LPP: variants seen among roughly 807,000 people sequenced by gnomAD.
The protein encoded by LPP is lipoma-preferred partner.
Under a neutral mutation model 60.4 loss-of-function variants are expected in LPP, and 38 were observed. The ratio of observed to expected loss-of-function variants is 0.63; its 90% CI spans 0.49 to 0.83. LPP has a LOEUF of 0.83. Among genes scored for constraint, LPP ranks in the 40% least tolerant of loss-of-function variants. The probability of loss-of-function intolerance (pLI) is 0.00; values close to 1 mark genes in which losing one functional copy is unlikely to be tolerated. For synonymous variants in LPP, 328 were observed against 290.8 expected (o/e 1.13, Z -1.30); for missense variants, 902 against 783.6 (o/e 1.15, Z -1.80).
chr3:188,240,599 T>G (rs896722611), intron 2 of LPP, among the ~76,000 whole-genome samples: 1 of 152,138 alleles, frequency 6.6e-6, no homozygotes, highest in African/African-American at 2.4e-5. Context: ...GTAGTTAGGA[T>G]ATTAGACCAG....
rs1169765368 is a variant in LPP, at chr3:188,388,601, A to G, written c.-9-17511A>G. Among the ~76,000 whole-genome samples, 3 of 152,166 alleles carry G rather than the reference A, an allele frequency of 2.0e-5. No individual in the cohort carries two copies. The East Asian group carries it at 5.8e-4, about 29-fold the overall frequency. ...AAGAACCACCTTGCTACATTCCGAA[A>G]AGGAAGGATTATTCTCATGGCATTG... On this transcript the variant is annotated intron_variant, in intron 3 of 11. Transcript: ENST00000617246.
In LPP at chr3:188,629,719, GA is replaced by G. The variant is rs938272372; in HGVS notation, c.1113+19885del. On this transcript the variant is annotated intron_variant, in intron 7 of 11. Transcript: ENST00000617246. ...ACCAATATTATCTTTCACAGAATTA[GA>G]AAAAAAAAATATTGTAAAATTCATA... Among the ~76,000 whole-genome samples, 333 of 149,014 alleles carry G rather than the reference GA, an allele frequency of 2.2e-3. 1 individual carries two copies. Among genetic ancestry groups the G allele is most frequent in the African/African-American group, 6.3e-3 (258 of 40,716 alleles).
rs1553835845 is a variant in LPP, at chr3:188,250,808, C to CTCTT, written c.-67+25295_-67+25298dup. Reference sequence around the variant, plus strand: ...TTTCTGTCTTTCTCTTTCTTTCTTTCTCTTTCTTTCTTTCTTTTTCTTTCT... The same window carrying CTCTT: ...TTTCTGTCTTTCTCTTTCTTTCTTTCTCTTTCTTTCTTTCTTTCTTTTTCTTTCT... On this transcript the variant is annotated intron_variant, in intron 2 of 11. Coordinates refer to ENST00000617246, the MANE Select transcript of LPP (RefSeq NM_001375462.1). Among the ~76,000 whole-genome samples the CTCTT allele has an allele frequency of 1.5e-3, 204 of 132,072 alleles. 3 individuals are homozygous for CTCTT. Among genetic ancestry groups the CTCTT allele is most frequent in the African/African-American group, 5.8e-3 (185 of 31,634 alleles). 86.6% of individuals were successfully genotyped at this position (132,072 alleles called of 152,430 possible). A position where few individuals can be genotyped will look rare whatever the true frequency, so the allele number is the denominator to read the frequency against.
At chr3:188,420,719 A>AG (rs1331322554) in intron 4 of LPP, among the ~76,000 whole-genome samples, 12 of 152,152 alleles carry the variant, frequency 7.9e-5, no homozygotes, top group African/African-American at 2.9e-4. Context: ...CAGTCTCTCA[A>AG]GCCAGTTATA....
At chr3:188,624,810 C>CCTTCCTTCCT (rs752143655) in intron 7 of LPP, among the ~76,000 whole-genome samples, 1 of 147,240 alleles carries the variant, frequency 6.8e-6, no homozygotes, top group African/African-American at 2.5e-5. Context: ...TTCCTTCCTT[C>CCTTCCTTCCT]TCTCTCTTTC....
chr3:188,362,372 C>T (rs1435093278), intron 3 of LPP, among the ~76,000 whole-genome samples: 5 of 152,020 alleles, frequency 3.3e-5, no homozygotes, highest in Admixed American at 3.3e-4. Flanking sequence ...TTGTGTTTGT[C>T]TTCTTCTTTA....
intron 7 of LPP, among the ~76,000 whole-genome samples, chr3:188,654,305 C>G (rs932533301): frequency 6.6e-6 from 1 of 152,134 alleles, no homozygotes; most frequent in Non-Finnish European, 1.5e-5. Flanking sequence ...CTTGGACAAT[C>G]AGTGACCTCA....
chr3:188,829,648 A>G (rs903641706), intron 9 of LPP, among the ~76,000 whole-genome samples: 1 of 152,204 alleles, frequency 6.6e-6, no homozygotes, highest in Admixed American at 6.5e-5. Context: ...ATCCAAGTAT[A>G]TGTGGCTAAA....
At chr3:188,269,568 C>T (rs937663143) in intron 2 of LPP, among the ~76,000 whole-genome samples, 1 of 151,644 alleles carries the variant, frequency 6.6e-6, no homozygotes, top group African/African-American at 2.4e-5. Context: ...TAAAGCATCA[C>T]ATGAAGAAAT....
chr3:188,496,649 C>T (rs982863427), intron 5 of LPP, among the ~76,000 whole-genome samples: 3 of 152,108 alleles, frequency 2.0e-5, no homozygotes, highest in South Asian at 2.1e-4. Flanking sequence ...CCATTGCCAT[C>T]GCTGCTGTAT....
chr3:188,685,794 AG>A (rs1560063474), intron 7 of LPP, among the ~76,000 whole-genome samples: 1 of 152,104 alleles, frequency 6.6e-6, no homozygotes, highest in Non-Finnish European at 1.5e-5. Flanking sequence ...ACGAATACTG[AG>A]TTGTATACAT....
At chr3:188,608,606 T>C (rs1360168055) in intron 6 of LPP, among the ~76,000 whole-genome samples, 1 of 152,260 alleles carries the variant, frequency 6.6e-6, no homozygotes, top group Admixed American at 6.5e-5. Context: ...GGAATTGTAA[T>C]GCCTCCGGCT....
chr3:188,318,939 T>C (rs1380580552), intron 2 of LPP, among the ~76,000 whole-genome samples: 1 of 151,196 alleles, frequency 6.6e-6, no homozygotes, highest in East Asian at 1.9e-4. Context: ...TTTGTATTTT[T>C]AGTAGAGACG....
Position 188,610,899 on chromosome 3 carries a change from C to G in LPP, c.1113+1055C>G, listed in dbSNP as rs1341213993. Reference sequence around the variant, plus strand: ...TGTGAGAAATCAGAAATTTGAGAGCCCTCAATTAGCTAGAAGTTCAATGGT... The same window carrying G: ...TGTGAGAAATCAGAAATTTGAGAGCGCTCAATTAGCTAGAAGTTCAATGGT... On this transcript the variant is annotated intron_variant, in intron 7 of 11. Coordinates refer to ENST00000617246, the MANE Select transcript of LPP (RefSeq NM_001375462.1). The surrounding 1 kb of genome is among the most constrained non-coding windows in gnomAD (Gnocchi z 4.4). Among the ~76,000 whole-genome samples the G allele has an allele frequency of 3.3e-5, 5 of 152,094 alleles. No homozygotes were observed. The highest frequency in any genetic ancestry group is 6.6e-5 in the Admixed American group (1 of 15,258).
chr3:188,527,251 G>A lies in LPP; in HGVS notation c.429+2464G>A, dbSNP rs1820853796. 2.0e-5 allele frequency among the ~76,000 whole-genome samples: 3 copies of A among 150,720 alleles called. No homozygotes were observed. In the South Asian group the frequency reaches 6.4e-4, roughly 32 times the overall value. ...TGTAATCCCAGCTATTCGGGAGGCTGAGGCAGGAGAATCGTTTGAACCCGG... is the reference window on the plus strand; with the variant it reads ...TGTAATCCCAGCTATTCGGGAGGCTAAGGCAGGAGAATCGTTTGAACCCGG... On this transcript the variant is annotated intron_variant, in intron 6 of 11. Coordinates refer to ENST00000617246, the MANE Select transcript of LPP (RefSeq NM_001375462.1).
At chr3:188,570,091 G>A (rs1833177373) in intron 6 of LPP, among the ~76,000 whole-genome samples, 2 of 147,896 alleles carry the variant, frequency 1.4e-5, no homozygotes, top group African/African-American at 2.5e-5. Flanking sequence ...AACATTGTTT[G>A]ACCATATCAT....
At chr3:188,796,657 G>A (rs994262867) in intron 9 of LPP, among the ~76,000 whole-genome samples, 3 of 152,156 alleles carry the variant, frequency 2.0e-5, no homozygotes, top group African/African-American at 7.2e-5. Context: ...GACCCGAAGA[G>A]TGAAAGGTAT....
At chr3:188,428,484 C>T (rs1457919463) in intron 4 of LPP, among the ~76,000 whole-genome samples, 1 of 152,026 alleles carries the variant, frequency 6.6e-6, no homozygotes, top group Non-Finnish European at 1.5e-5. Context: ...TCTCTATCCT[C>T]TTAACACTGG....
At chr3:188,368,218 T>G (rs1187475161) in intron 3 of LPP, among the ~76,000 whole-genome samples, 1 of 152,232 alleles carries the variant, frequency 6.6e-6, no homozygotes, top group Non-Finnish European at 1.5e-5. Context: ...AGCTTGTTTT[T>G]AAGCAAAACT....
Sources: allele counts gnomAD v4.1 joint callset (sites outside exome capture counted in the v4.1 genomes callset), GRCh38; gene constraint gnomAD v4.1.1; non-coding constraint Gnocchi (gnomAD v3.1); transcripts MANE v1.5; gene names NCBI Gene and HGNC (gene_info 2026-07-23, HGNC 2026-07-21).